Variants in DNAJC1 observed in about 807,000 individuals in gnomAD.
The protein encoded by DNAJC1 is dnaJ homolog subfamily C member 1.
DNAJC1 carries 58 observed loss-of-function variants against 76.6 expected under a neutral mutation model. The ratio of observed to expected loss-of-function variants is 0.76; its 90% CI spans 0.61 to 0.94. The LOEUF (loss-of-function observed/expected upper bound fraction) is 0.94, where lower values mean the gene tolerates loss of function less well. Among genes scored for constraint, DNAJC1 ranks in the 40% least tolerant of loss-of-function variants. DNAJC1 has a pLI of 0.00. For missense variants in DNAJC1, 689 were observed against 677.3 expected (o/e 1.02, Z -0.19); for synonymous variants, 258 against 267.9 (o/e 0.96, Z 0.36).
At chr10:21,896,829 G>A (rs541178917) in intron 7 of DNAJC1, among the ~76,000 whole-genome samples, 1 of 152,240 alleles carries the variant, frequency 6.6e-6, no homozygotes, top group Admixed American at 6.5e-5. Flanking sequence ...GTATTAAGAG[G>A]AAAAGGCCAC....
At chr10:21,900,804 A>G (rs942053254) in intron 7 of DNAJC1, among the ~76,000 whole-genome samples, 3 of 152,162 alleles carry the variant, frequency 2.0e-5, no homozygotes, top group African/African-American at 4.8e-5. Flanking sequence ...TATCTCAGAG[A>G]GTATATTCCC....
chr10:21,980,639 T>C (rs1487708168), intron 1 of DNAJC1, among the ~76,000 whole-genome samples: 3 of 152,142 alleles, frequency 2.0e-5, no homozygotes, highest in East Asian at 3.8e-4. Context: ...ATAACATCTG[T>C]AGATAACACT....
At chr10:21,838,849 A>G (rs1403958462) in intron 8 of DNAJC1, among the ~76,000 whole-genome samples, 1 of 152,210 alleles carries the variant, frequency 6.6e-6, no homozygotes, top group African/African-American at 2.4e-5. Flanking sequence ...CACAGTTGGA[A>G]GTAAAGCACT....
chr10:21,815,347 T>A (rs530762961), intron 8 of DNAJC1, among the ~76,000 whole-genome samples: 1 of 152,204 alleles, frequency 6.6e-6, no homozygotes, highest in African/African-American at 2.4e-5. Context: ...CAAACTGCAA[T>A]AGATGTCCTC....
rs74120988 is a variant in DNAJC1, at chr10:21,770,224, A to T, written c.1099-3915T>A. On this transcript the variant is annotated intron_variant, in intron 9 of 11. Transcript: ENST00000376980. Reference sequence around the variant, plus strand: ...CCAAACTAATATAACACTTTCTAACAGGTCCCTAACTTAATAGTTAATAAT... The same window carrying T: ...CCAAACTAATATAACACTTTCTAACTGGTCCCTAACTTAATAGTTAATAAT... Among the ~76,000 whole-genome samples the T allele has an allele frequency of 5.9e-3, 893 of 152,208 alleles. 8 individuals are homozygous for T. The highest frequency in any genetic ancestry group is 0.02 in the African/African-American group (847 of 41,516).
chr10:21,918,105 A>C (rs1173712379), intron 6 of DNAJC1, among the ~76,000 whole-genome samples: 3 of 152,030 alleles, frequency 2.0e-5, no homozygotes, highest in African/African-American at 7.2e-5. Flanking sequence ...TCAAATATTT[A>C]TGTGTTGGGG....
intron 8 of DNAJC1, among the ~76,000 whole-genome samples, chr10:21,813,436 TG>T (rs1178981353): frequency 6.7e-6 from 1 of 150,064 alleles, no homozygotes; most frequent in Non-Finnish European, 1.5e-5. Context: ...TCGCCCAGGC[TG>T]GAGTGTGGAG....
chr10:21,811,345 T>C (rs1834962528), intron 8 of DNAJC1, among the ~76,000 whole-genome samples: 1 of 152,194 alleles, frequency 6.6e-6, no homozygotes, highest in South Asian at 2.1e-4. Flanking sequence ...ACAAATTGTA[T>C]TAAGCCCATA....
At chr10:21,802,443 AT>A (rs1310541967) in intron 9 of DNAJC1, among the ~76,000 whole-genome samples, 1 of 152,138 alleles carries the variant, frequency 6.6e-6, no homozygotes, top group Non-Finnish European at 1.5e-5. Context: ...CAATATATAA[AT>A]TTCCCCCAAT....
At chr10:21,902,468 C>A (rs1340555858) in intron 7 of DNAJC1, among the ~76,000 whole-genome samples, 1 of 152,048 alleles carries the variant, frequency 6.6e-6, no homozygotes, top group Non-Finnish European at 1.5e-5. Context: ...CCATGCCCAG[C>A]TAATTTTTGT....
chr10:21,869,944 T>TA (rs928160307), intron 8 of DNAJC1, among the ~76,000 whole-genome samples: 15 of 151,996 alleles, frequency 9.9e-5, no homozygotes, highest in Middle Eastern at 3.2e-3. Flanking sequence ...AAAAACTTGA[T>TA]AAAAAAATTC....
chr10:21,917,704 C>CA (rs1381132579), intron 6 of DNAJC1, among the ~76,000 whole-genome samples: 2 of 151,608 alleles, frequency 1.3e-5, no homozygotes, highest in Non-Finnish European at 3.0e-5. Flanking sequence ...TTTAAATTAC[C>CA]AAAATACTGT....
chr10:21,849,804 T>C (rs1421102225), intron 8 of DNAJC1, among the ~76,000 whole-genome samples: 2 of 152,102 alleles, frequency 1.3e-5, no homozygotes, highest in African/African-American at 4.8e-5. Context: ...GCAAGGTTGG[T>C]TCAACATGAG....
intron 7 of DNAJC1, among the ~76,000 whole-genome samples, chr10:21,886,965 T>C (rs371008366): frequency 1.1e-4 from 17 of 152,232 alleles, no homozygotes; most frequent in African/African-American, 4.1e-4. Flanking sequence ...CTGTTTGCAA[T>C]TGACATGATT....
intron 8 of DNAJC1, among the ~76,000 whole-genome samples, chr10:21,806,508 C>CTT (rs1032512466): frequency 1.4e-5 from 2 of 145,842 alleles, no homozygotes; most frequent in African/African-American, 5.0e-5. Context: ...AGGGCTCTCT[C>CTT]TTTTTTTTTT....
At chr10:21,851,060 A>G (rs1001323358) in intron 8 of DNAJC1, among the ~76,000 whole-genome samples, 4 of 152,226 alleles carry the variant, frequency 2.6e-5, no homozygotes, top group African/African-American at 9.6e-5. Flanking sequence ...TAAAATTCAT[A>G]GAAGAAAGCA....
chr10:21,849,879 T>C (rs1835724986), intron 8 of DNAJC1, among the ~76,000 whole-genome samples: 1 of 152,202 alleles, frequency 6.6e-6, no homozygotes, highest in South Asian at 2.1e-4. Context: ...CACATGATCA[T>C]CTCAATTGAT....
At chr10:21,840,621 C>G (rs1305851944) in intron 8 of DNAJC1, among the ~76,000 whole-genome samples, 14 of 152,060 alleles carry the variant, frequency 9.2e-5, no homozygotes, top group South Asian at 6.2e-4. Flanking sequence ...ACAAATGGAA[C>G]AACATTCCAT....
intron 6 of DNAJC1, among the ~76,000 whole-genome samples, chr10:21,914,169 C>T (rs1836915221): frequency 6.6e-6 from 1 of 152,184 alleles, no homozygotes; most frequent in South Asian, 2.1e-4. Flanking sequence ...TCCTTGAATA[C>T]TGACCCACTT....
Sources: allele counts gnomAD v4.1 joint callset (sites outside exome capture counted in the v4.1 genomes callset), GRCh38; gene constraint gnomAD v4.1.1; transcripts MANE v1.5; gene names NCBI Gene and HGNC (gene_info 2026-07-23, HGNC 2026-07-21).